Variants in CNBD1 observed in about 807,000 individuals in gnomAD.
The protein encoded by CNBD1 is cyclic nucleotide binding domain containing 1, also known as cyclic nucleotide-binding domain-containing protein 1.
CNBD1 carries 71 observed loss-of-function variants against 54.4 expected under a neutral mutation model. That is an observed-to-expected ratio of 1.30 (90% CI 1.08 to 1.59). CNBD1 has a LOEUF of 1.59. Ranked by LOEUF, CNBD1 falls within the 40% of genes most tolerant of loss-of-function variation. The pLI, the probability that CNBD1 is intolerant of heterozygous loss-of-function variation, is 0.00. For synonymous variants in CNBD1, 182 were observed against 170.7 expected, an observed-to-expected ratio of 1.07 and a Z score of -0.51; for missense variants, 659 against 518.0, an observed-to-expected ratio of 1.27 and a Z score of -2.64.
intron 4 of CNBD1, among the ~76,000 whole-genome samples, chr8:87,082,951 A>G (rs1477632643): frequency 6.6e-6 from 1 of 152,196 alleles, no homozygotes; most frequent in Non-Finnish European, 1.5e-5. Context: ...TGCAACTTTA[A>G]TTTATTACAC....
intron 4 of CNBD1, among the ~76,000 whole-genome samples, chr8:87,070,152 G>A (rs1337846709): frequency 6.6e-6 from 1 of 152,106 alleles, no homozygotes; most frequent in Admixed American, 6.6e-5. Flanking sequence ...GGTGAGGAAA[G>A]ATCCTTCTTC....
chr8:87,026,077 A>T (rs1809638181), intron 4 of CNBD1, among the ~76,000 whole-genome samples: 1 of 152,186 alleles, frequency 6.6e-6, no homozygotes, highest in Non-Finnish European at 1.5e-5. Context: ...CTTCTATTTA[A>T]GGTCAAATGT....
intron 8 of CNBD1, among the ~76,000 whole-genome samples, chr8:87,334,928 T>C (rs1159421557): frequency 6.6e-6 from 1 of 151,824 alleles, no homozygotes; most frequent in Non-Finnish European, 1.5e-5. Context: ...TTTCCACCAT[T>C]TTGGCCAGGA....
chr8:87,246,144 C>T (rs1807799482), intron 6 of CNBD1, among the ~76,000 whole-genome samples: 1 of 152,002 alleles, frequency 6.6e-6, no homozygotes. Flanking sequence ...ATTTTTCTGA[C>T]AAACACAAAA....
At chr8:87,409,981 C>A (rs896317823) in intron 2 of CNBD1, among the ~76,000 whole-genome samples, 1 of 151,872 alleles carries the variant, frequency 6.6e-6, no homozygotes, top group Non-Finnish European at 1.5e-5. Flanking sequence ...CGAGATAGTG[C>A]CACTGCACTC....
At chr8:87,414,177 G>A (rs1339801426) in intron 2 of CNBD1, among the ~76,000 whole-genome samples, 1 of 151,980 alleles carries the variant, frequency 6.6e-6, no homozygotes, top group Non-Finnish European at 1.5e-5. Flanking sequence ...ATACACCATG[G>A]AATACTATGC....
chr8:87,082,123 A>G (rs1008196457), intron 4 of CNBD1, among the ~76,000 whole-genome samples: 1 of 152,166 alleles, frequency 6.6e-6, no homozygotes, highest in African/African-American at 2.4e-5. Context: ...GCAACTGAAG[A>G]ACCACAAAGA....
intron 4 of CNBD1, among the ~76,000 whole-genome samples, chr8:87,117,165 A>G (rs1268184860): frequency 6.6e-6 from 1 of 152,138 alleles, no homozygotes; most frequent in Admixed American, 6.5e-5. Context: ...TTGGGAGGCC[A>G]AGGCGGGTGG....
intron 8 of CNBD1, among the ~76,000 whole-genome samples, chr8:87,316,025 TA>T (rs1296514223): frequency 6.6e-6 from 1 of 151,912 alleles, no homozygotes. Context: ...ATAAAATAGG[TA>T]AAAAACATAA....
At chr8:87,365,731 G>T (rs774501824) in intron 10 of CNBD1, among the ~76,000 whole-genome samples, 1 of 151,884 alleles carries the variant, frequency 6.6e-6, no homozygotes, top group Non-Finnish European at 1.5e-5. Context: ...GTTGTAGAAA[G>T]ATTTTAAAAT....
intron 5 of CNBD1, among the ~76,000 whole-genome samples, chr8:87,230,831 C>T (rs1039828616): frequency 1.3e-5 from 2 of 152,186 alleles, no homozygotes; most frequent in African/African-American, 4.8e-5. Context: ...AATAGCCAAT[C>T]AACCCACTTG....
At chr8:87,306,632 G>A (rs1005061899) in intron 8 of CNBD1, among the ~76,000 whole-genome samples, 8 of 152,166 alleles carry the variant, frequency 5.3e-5, no homozygotes, top group African/African-American at 1.9e-4. Context: ...TGAGATTGAA[G>A]ACTATTATTC....
chr8:87,381,428 TG>T (rs1337775422), intron 10 of CNBD1, among the ~76,000 whole-genome samples: 1 of 151,944 alleles, frequency 6.6e-6, no homozygotes, highest in Non-Finnish European at 1.5e-5. Context: ...ACTCTGTTAA[TG>T]GGAGCACAAA....
chr8:87,359,543 A>C (rs755318514), intron 10 of CNBD1, among the ~76,000 whole-genome samples: 13 of 152,174 alleles, frequency 8.5e-5, no homozygotes, highest in African/African-American at 1.7e-4. Flanking sequence ...GATAATTCTA[A>C]TGAAAAATTA....
intron 8 of CNBD1, among the ~76,000 whole-genome samples, chr8:87,328,055 G>T (rs1197270231): frequency 6.6e-6 from 1 of 151,842 alleles, no homozygotes; most frequent in Non-Finnish European, 1.5e-5. Flanking sequence ...TACCATGGTG[G>T]TTTGCTGCAC....
chr8:87,359,864 T>A (rs973521762), intron 10 of CNBD1, among the ~76,000 whole-genome samples: 1 of 152,024 alleles, frequency 6.6e-6, no homozygotes, highest in African/African-American at 2.4e-5. Context: ...TTTGAGAAAG[T>A]CCACTAAAAA....
rs187970199 is a variant in CNBD1 at position 87,186,680 on chromosome 8, T to A, written c.432-19313T>A. ...TTTATTAAAAATTTAATTCCTATTT[T>A]AAATTTCTTTTTGAATTCTTATTTT... On this transcript the variant is annotated intron_variant, in intron 4 of 10. Transcript: ENST00000518476. Among the ~76,000 whole-genome samples, 476 of 152,158 alleles carry A rather than the reference T, an allele frequency of 3.1e-3. 1 individual carries two copies. The highest frequency in any genetic ancestry group is 0.011 in the African/African-American group (442 of 41,576).
intron 1 of CNBD1, among the ~76,000 whole-genome samples, chr8:86,868,307 T>G (rs1808392426): frequency 6.6e-6 from 1 of 152,160 alleles, no homozygotes; most frequent in African/African-American, 2.4e-5. Context: ...GTGACTCATA[T>G]TCACCTTCTC....
intron 10 of CNBD1, among the ~76,000 whole-genome samples, chr8:87,364,525 T>A (rs995604869): frequency 6.6e-6 from 1 of 151,934 alleles, no homozygotes; most frequent in Admixed American, 6.6e-5. Flanking sequence ...GAAGTACATG[T>A]GCAAGTTTGT....
Sources: allele counts gnomAD v4.1 joint callset (sites outside exome capture counted in the v4.1 genomes callset), GRCh38; gene constraint gnomAD v4.1.1; transcripts MANE v1.5; gene names NCBI Gene and HGNC (gene_info 2026-07-23, HGNC 2026-07-21).